Variants in ABRAXAS2 observed in about 807,000 individuals in gnomAD.
ABRAXAS2 encodes the protein abraxas 2, BRISC complex subunit, also known as BRISC complex subunit Abraxas 2.
In ABRAXAS2, 23 loss-of-function variants were observed where a neutral mutation model predicts 49.0. The observed-to-expected ratio is 0.47, with a 90% confidence interval of 0.34 to 0.66. The LOEUF (loss-of-function observed/expected upper bound fraction) is 0.66, where lower values mean the gene tolerates loss of function less well. Ranked by LOEUF, ABRAXAS2 falls within the 30% of genes least tolerant of loss-of-function variation. The pLI is 0.01. For synonymous variants in ABRAXAS2, 168 were observed against 180.2 expected (o/e 0.93, Z 0.54); for missense variants, 443 against 511.9 (o/e 0.87, Z 1.30).
chr10:124,816,997 A>G (rs181351315), intron 3 of ABRAXAS2, among the ~76,000 whole-genome samples: 95 of 152,358 alleles, frequency 6.2e-4, no homozygotes, highest in Non-Finnish European at 1.1e-3. Flanking sequence ...TGAATACAGT[A>G]GTCCCTGCTT....
intron 1 of ABRAXAS2, among the ~76,000 whole-genome samples, chr10:124,806,095 T>A (rs1214215103): frequency 6.6e-6 from 1 of 151,640 alleles, no homozygotes; most frequent in Non-Finnish European, 1.5e-5. Context: ...GGTCAGGAGA[T>A]CGAGACCATC....
chr10:124,804,689 G>A (rs1450087119), intron 1 of ABRAXAS2, among the ~76,000 whole-genome samples: 2 of 149,312 alleles, frequency 1.3e-5, no homozygotes, highest in Non-Finnish European at 3.0e-5. Flanking sequence ...TTTTTTTTAA[G>A]GGAATATATA....
intron 2 of ABRAXAS2, among the ~76,000 whole-genome samples, chr10:124,808,419 G>A (rs536488803): frequency 1.3e-3 from 193 of 152,072 alleles, no homozygotes; most frequent in African/African-American, 4.5e-3. Context: ...CTCGTGATCC[G>A]CCCACCTCAG....
intron 3 of ABRAXAS2, 55 bp downstream of exon 3, chr10:124,816,667 A>T (rs1330772823): frequency 2.2e-6 from 3 of 1,363,810 alleles, no homozygotes; most frequent in Non-Finnish European, 3.1e-6. Flanking sequence ...GATAAAAAAA[A>T]CTAGTGAATT....
Position 124,835,442 on chromosome 10 carries a change from G to A in ABRAXAS2, c.*471G>A, listed in dbSNP as rs946745865. On this transcript the variant is annotated 3_prime_UTR_variant, in exon 9 of 9. Coordinates refer to ENST00000298492, the MANE Select transcript of ABRAXAS2 (RefSeq NM_032182.4). ...TGATGAGCCAAATTCATCTTTGCCA[G>A]AAAAGAAATTTTGATAATTCCAAGA... 2.0e-5 allele frequency: 3 copies of A among 153,236 alleles called. No individual in the cohort carries two copies. Among genetic ancestry groups the A allele is most frequent in the African/African-American group, 7.2e-5 (3 of 41,436 alleles). 9.5% of individuals were successfully genotyped at this position (153,236 alleles called of 1,614,324 possible).
In ABRAXAS2 at chr10:124,801,825, C is replaced by T. The variant is rs1404274732; in HGVS notation, c.-5C>T. 4 of 1,613,230 alleles carry T rather than the reference C, an allele frequency of 2.5e-6. No homozygotes were observed. The highest frequency in any genetic ancestry group is 2.5e-6 in the Non-Finnish European group (3 of 1,179,706). On this transcript the variant is annotated 5_prime_UTR_variant, in exon 1 of 9. Transcript: ENST00000298492. ...GGCATGATGGGGTAGCTGGAGATTT[C>T]CATCATGGCGGCGTCCATTTCGGGC...
intron 2 of ABRAXAS2, among the ~76,000 whole-genome samples, chr10:124,812,121 T>C (rs2134161302): frequency 6.6e-6 from 1 of 152,356 alleles, no homozygotes; most frequent in East Asian, 1.9e-4. Flanking sequence ...GATTCTTTGA[T>C]TCATAAACCA....
chr10:124,830,270 C>T (rs1373636335), intron 7 of ABRAXAS2, among the ~76,000 whole-genome samples: 1 of 152,074 alleles, frequency 6.6e-6, no homozygotes, highest in Non-Finnish European at 1.5e-5. Context: ...CATAATGAGA[C>T]CCTATTTCTA....
intron 8 of ABRAXAS2, among the ~76,000 whole-genome samples, chr10:124,831,812 C>T (rs1165838958): frequency 2.1e-5 from 3 of 144,084 alleles, no homozygotes; most frequent in African/African-American, 7.7e-5. Context: ...ACCACCCTGG[C>T]ATGTCCAGCA....
intron 8 of ABRAXAS2, among the ~76,000 whole-genome samples, chr10:124,834,073 G>A (rs1207976797): frequency 1.3e-5 from 2 of 152,158 alleles, no homozygotes; most frequent in Non-Finnish European, 2.9e-5. Context: ...TCCATTCCGT[G>A]TACAGGATGT....
intron 1 of ABRAXAS2, among the ~76,000 whole-genome samples, chr10:124,804,969 C>T (rs1037560438): frequency 1.3e-5 from 2 of 151,996 alleles, no homozygotes; most frequent in African/African-American, 2.4e-5. Context: ...CCACCTTGGC[C>T]TCCCAAAGTG....
chr10:124,829,014 T>A, intron 6 of ABRAXAS2, 139 bp downstream of exon 6: 1 of 773,752 alleles, frequency 1.3e-6, no homozygotes, highest in Non-Finnish European at 2.0e-6. Context: ...GGTAATTGTC[T>A]AGATACCACC....
chr10:124,826,846 G>T (rs1950899383), intron 5 of ABRAXAS2, 61 bp downstream of exon 5: 1 of 1,503,360 alleles, frequency 6.7e-7, no homozygotes, highest in Non-Finnish European at 9.1e-7. Flanking sequence ...AGGCGTGGTG[G>T]CTTACGCCTG....
At chr10:124,814,648 A>G (rs1193847583) in intron 2 of ABRAXAS2, among the ~76,000 whole-genome samples, 2 of 149,262 alleles carry the variant, frequency 1.3e-5, no homozygotes, top group Non-Finnish European at 3.0e-5. Flanking sequence ...GCCTTTATTT[A>G]TTTATTTATT....
chr10:124,819,527 A>G (rs1026249968), intron 4 of ABRAXAS2, 77 bp downstream of exon 4: 2 of 1,283,638 alleles, frequency 1.6e-6, no homozygotes, highest in Non-Finnish European at 2.3e-6. Context: ...ACAGGAATGT[A>G]AAATGGAACA....
At chr10:124,831,885 C>T (rs1188767935) in intron 8 of ABRAXAS2, among the ~76,000 whole-genome samples, 1 of 125,250 alleles carries the variant, frequency 8.0e-6, no homozygotes, top group Non-Finnish European at 1.6e-5. Context: ...ACGGAATCTC[C>T]CTCTGTCACC....
chr10:124,826,451 TC>T (rs1207881811), intron 4 of ABRAXAS2, 143 bp from the exon 5 acceptor site: 1 of 686,580 alleles, frequency 1.5e-6, no homozygotes, highest in African/African-American at 1.8e-5. Flanking sequence ...TTATCCATGC[TC>T]CTGCTCATGG....
chr10:124,823,109 G>A (rs1950872911), intron 4 of ABRAXAS2, among the ~76,000 whole-genome samples: 1 of 152,120 alleles, frequency 6.6e-6, no homozygotes, highest in Non-Finnish European at 1.5e-5. Context: ...TGTTGAGAGT[G>A]GGAGCTATAT....
At chr10:124,820,108 C>T (rs138265869) in intron 4 of ABRAXAS2, among the ~76,000 whole-genome samples, 3 of 152,276 alleles carry the variant, frequency 2.0e-5, no homozygotes, top group East Asian at 1.9e-4. Flanking sequence ...AACAAAATGC[C>T]GTTGTTTAAC....
Sources: gnomAD v4.1 joint callset for allele counts (sites outside exome capture counted in the v4.1 genomes callset) on GRCh38, gnomAD v4.1.1 for gene constraint, MANE v1.5 for transcripts, NCBI Gene and HGNC (gene_info 2026-07-23, HGNC 2026-07-21) for gene names.